GPC2: variants seen among roughly 807,000 people sequenced by gnomAD.
The protein encoded by GPC2 is glypican-2.
Under a neutral mutation model 57.3 loss-of-function variants are expected in GPC2, and 42 were observed. The ratio of observed to expected loss-of-function variants is 0.73; its 90% CI spans 0.57 to 0.95. The LOEUF (loss-of-function observed/expected upper bound fraction) is 0.95, where lower values mean the gene tolerates loss of function less well. Among genes scored for constraint, GPC2 ranks in the 40% least tolerant of loss-of-function variants. The pLI is 0.00. For missense variants in GPC2, 745 were observed against 793.6 expected (o/e 0.94, Z 0.74); for synonymous variants, 364 against 343.4 (o/e 1.06, Z -0.66).
intron 3 of GPC2, among the ~76,000 whole-genome samples, chr7:100,175,071 G>C (rs1377676813): frequency 6.6e-6 from 1 of 152,186 alleles, no homozygotes; most frequent in African/African-American, 2.4e-5. Flanking sequence ...TGTGAGCCAC[G>C]GCTCTGCCAC....
Position 100,171,223 on chromosome 7 carries a change from GT to G in GPC2, c.1486+37del, listed in dbSNP as rs1428563097. ...AGGAGAGGGGAGAGGCTTCAGGGCA[GT>G]GGGCGGGGCTCAGGCTCAGGGATGC... On this transcript the variant is annotated intron_variant, in intron 9 of 9. Transcript: ENST00000292377. The surrounding 1 kb of genome is among the most constrained non-coding windows in gnomAD (Gnocchi z 4.8). 1.0e-5 allele frequency: 15 copies of G among 1,495,286 alleles called. No homozygotes were observed. Among genetic ancestry groups the G allele is most frequent in the Non-Finnish European group, 1.2e-5 (14 of 1,120,308 alleles). The allele number at this position is 1,495,286 out of a possible 1,614,324, so 92.6% of individuals were successfully genotyped here.
chr7:100,171,471 G>A lies in GPC2; in HGVS notation c.1311-35C>T. 7.4e-7 allele frequency: 1 copy of A among 1,353,290 alleles called. No individual in the cohort carries two copies. Among genetic ancestry groups the A allele is most frequent in the African/African-American group, 1.5e-5 (1 of 65,122 alleles). The allele number at this position is 1,353,290 out of a possible 1,614,324, so 83.8% of individuals were successfully genotyped here. A position where few individuals can be genotyped will look rare whatever the true frequency, so the allele number is the denominator to read the frequency against. On this transcript the variant is annotated intron_variant, in intron 8 of 9. Transcript: ENST00000292377. The surrounding 1 kb of genome is among the most constrained non-coding windows in gnomAD (Gnocchi z 4.8). ...GAGCAGCCCCGAAGCGCCAGCTAGC[G>A]CGCGCGGCCCCGCCCCTCCCGGCCG...
rs1484028368 is a variant in GPC2 at position 100,171,262 on chromosome 7, C to A, written c.1485G>T (p.Ala495=). ...GGCTCAGGGATGCAGGGGTCTCACC[C>A]GCGTCCTGCCCGTCCAGGTCGTGTC... is the stretch of plus-strand genomic sequence containing the variant. ...ALGHDLDGQD[A]DEDASGSGGG... The change falls in exon 9 of 10, where the codon GCG becomes GCT. Residue 495 remains alanine, a splice_region_variant and synonymous_variant. Coordinates refer to ENST00000292377, the MANE Select transcript of GPC2 (RefSeq NM_152742.3). The surrounding 1 kb of genome is among the most constrained non-coding windows in gnomAD (Gnocchi z 4.8). The A allele has an allele frequency of 1.3e-6, 2 of 1,531,700 alleles. No homozygotes were observed. Among genetic ancestry groups the A allele is most frequent in the African/African-American group, 1.4e-5 (1 of 70,592 alleles). 94.9% of individuals were successfully genotyped at this position (1,531,700 alleles called of 1,614,324 possible). A position where few individuals can be genotyped will look rare whatever the true frequency, so the allele number is the denominator to read the frequency against.
rs774349176 is a variant in GPC2, at chr7:100,177,059, G to A, written c.141C>T (p.Asn47=). 6 of 1,612,046 alleles carry A rather than the reference G, an allele frequency of 3.7e-6. No individual in the cohort carries two copies. Among genetic ancestry groups the A allele is most frequent in the South Asian group, 1.1e-5 (1 of 90,728 alleles). ...QVLGARGYSL[N]LIPPALISGE... Reference sequence around the variant, plus strand: ...CTGAGATCAGGGCGGGAGGGATTAGGTTTAAGCTATATCCCCGGGCCCCCA... The same window carrying A: ...CTGAGATCAGGGCGGGAGGGATTAGATTTAAGCTATATCCCCGGGCCCCCA... The change falls in exon 1 of 10, where the codon AAC becomes AAT. Residue 47 remains asparagine, a synonymous_variant. Coordinates refer to ENST00000292377, the MANE Select transcript of GPC2 (RefSeq NM_152742.3).
rs369621356 is a variant in GPC2 at position 100,170,235 on chromosome 7, G to A, written c.1735C>T (p.Arg579Ter). The A allele has an allele frequency of 4.5e-6, 7 of 1,553,566 alleles. No individual in the cohort carries two copies. The highest frequency in any genetic ancestry group is 1.2e-5 in the South Asian group (1 of 84,044). Residue 579 changes from arginine (R) to a stop codon, truncating the protein, a stop_gained, in exon 10 of 10, where the codon CGA becomes TGA. Transcript: ENST00000292377. LOFTEE classifies it high-confidence loss of function. ...GCTAGGGCACCCCTCCCCCGTTATC[G>A]AGGTCCAAGCAGGGCCAGGGCTGAG... ...SLSALALLGP[R>*] is the part of the protein sequence containing the mutation.
chr7:100,172,998 C>T (rs1286363206), intron 5 of GPC2, among the ~76,000 whole-genome samples: 1 of 151,758 alleles, frequency 6.6e-6, no homozygotes, highest in Non-Finnish European at 1.5e-5. Context: ...CTCAGCGTCC[C>T]AAGTAGCTGG....
rs928809521 is a variant in GPC2 at position 100,171,529 on chromosome 7, C to A, written c.1310+10G>T. On this transcript the variant is annotated intron_variant, in intron 8 of 9. Coordinates refer to ENST00000292377, the MANE Select transcript of GPC2 (RefSeq NM_152742.3). The surrounding 1 kb of genome is among the most constrained non-coding windows in gnomAD (Gnocchi z 4.8). ...GCCCCCTGCTGCCCCCCGACGCCCC[C>A]GAGGCTCACCGGCCCCGCCCGGCTC... The A allele has an allele frequency of 2.8e-6, 4 of 1,415,866 alleles. No homozygotes were observed. Among genetic ancestry groups the A allele is most frequent in the Non-Finnish European group, 3.7e-6 (4 of 1,092,124 alleles). The allele number at this position is 1,415,866 out of a possible 1,614,324, so 87.7% of individuals were successfully genotyped here.
At chr7:100,170,993 C>G in intron 9 of GPC2, 1 of 364,430 alleles carries the variant, frequency 2.7e-6, no homozygotes. Flanking sequence ...CCCCCATTTT[C>G]CCACTGCCCT....
chr7:100,170,974 T>C (rs1047971423), intron 9 of GPC2: 19 of 315,536 alleles, frequency 6.0e-5, no homozygotes, highest in Non-Finnish European at 1.1e-4. Flanking sequence ...CTCCCCCAAA[T>C]TGCCCCCTCC....
Position 100,173,968 on chromosome 7 carries a change from A to C in GPC2, c.759T>G (p.Ala253=). ...KVPVSEGCSQ[A]LMRLIGCPLC... is the part of the protein sequence containing the mutation. The stretch of plus-strand genomic sequence containing the variant: ...GGGGACAGCCGATGAGACGCATCAG[A>C]GCCTGGCTGCAGCCTTCAGACACCG... The change falls in exon 5 of 10, where the codon GCT becomes GCG. Residue 253 remains alanine, a synonymous_variant. Coordinates refer to ENST00000292377, the MANE Select transcript of GPC2 (RefSeq NM_152742.3). 1 of 1,594,134 alleles carries C rather than the reference A, an allele frequency of 6.3e-7. No individual in the cohort carries two copies. Among genetic ancestry groups the C allele is most frequent in the East Asian group, 2.3e-5 (1 of 42,914 alleles).
At chr7:100,176,425 C>T (rs1381074463) in intron 1 of GPC2, 60 bp from the exon 2 acceptor site, 2 of 1,510,396 alleles carry the variant, frequency 1.3e-6, no homozygotes, top group Non-Finnish European at 1.8e-6. Flanking sequence ...CCTTCCATTT[C>T]CCGCCTATCT....
At chr7:100,175,349 C>A (rs1799248970) in intron 3 of GPC2, among the ~76,000 whole-genome samples, 1 of 152,004 alleles carries the variant, frequency 6.6e-6, no homozygotes, top group African/African-American at 2.4e-5. Context: ...TGGGAGGTGG[C>A]AGGGGTGGGG....
chr7:100,172,715 ATATACACG>A (rs1799203186), intron 5 of GPC2, among the ~76,000 whole-genome samples: 3 of 146,136 alleles, frequency 2.1e-5, no homozygotes, highest in Non-Finnish European at 3.0e-5. Context: ...ATATATGTAT[ATATACACG>A]TATATATATG....
chr7:100,171,827 G>A lies in GPC2; in HGVS notation c.1122C>T (p.Thr374=), dbSNP rs371704732. The stretch of plus-strand genomic sequence containing the variant: ...CGGCCGTCGTGGGCCGCTCCTCCTC[G>A]GTCACCATCGACCACAGCCGGCCCG... The part of the protein sequence containing the change: ...EEAGRLWSMV[T]EEERPTTAAG... Residue 374 remains threonine (T), a synonymous_variant, in exon 7 of 10, where the codon ACC becomes ACT. Coordinates refer to ENST00000292377, the MANE Select transcript of GPC2 (RefSeq NM_152742.3). This position sits in a 1 kb window ranked among gnomAD's most constrained non-coding sequence, Gnocchi z 4.8. 4,831 of 1,571,440 alleles carry A rather than the reference G, an allele frequency of 3.1e-3. 7 individuals carry two copies. Among genetic ancestry groups the A allele is most frequent in the Non-Finnish European group, 3.8e-3 (4,481 of 1,167,292 alleles).
intron 4 of GPC2, chr7:100,174,466 C>A: frequency 3.1e-6 from 2 of 646,026 alleles, no homozygotes; most frequent in South Asian, 1.7e-5. Flanking sequence ...GGGTATGGGT[C>A]CACAGAGGGG....
chr7:100,173,851 G>T lies in GPC2; in HGVS notation c.876C>A (p.Asp292Glu), dbSNP rs1188459523. The T allele has an allele frequency of 1.3e-6, 2 of 1,572,760 alleles. No homozygotes were observed. Among genetic ancestry groups the T allele is most frequent in the Non-Finnish European group, 1.7e-6 (2 of 1,160,110 alleles). Residue 292 changes from aspartate to glutamate, a missense_variant, in exon 5 of 10, where the codon GAC (aspartate) becomes GAA (glutamate). Physicochemically the swap from Asp to Glu is conservative, Grantham distance 45. This residue lies in a region of GPC2 where 607 missense variants were observed against 603.9 expected (regional missense o/e 1.01). Coordinates refer to ENST00000292377, the MANE Select transcript of GPC2 (RefSeq NM_152742.3). ...GCLSSRGLEP[D>E]WGNYLDGLLI... ...TCCCCTCACCCAGATAGTTGCCCCA[G>T]TCAGGCTCCAGTCCCCTGCTGCTGA...
At position 100,177,035 on chromosome 7, in the gene GPC2, T is replaced by C; in HGVS notation, c.165A>G (p.Ser55=). 2 of 1,190,884 alleles carry C rather than the reference T, an allele frequency of 1.7e-6. No homozygotes were observed. The highest frequency in any genetic ancestry group is 5.5e-5 in the East Asian group (1 of 18,126). 73.8% of individuals were successfully genotyped at this position (1,190,884 alleles called of 1,614,324 possible). ...TCTAGTCTTCCTCTTTCTCCTCACC[T>C]GAGATCAGGGCGGGAGGGATTAGGT... ...SLNLIPPALI[S]GEHLRVCPQE... Residue 55 remains serine, a splice_region_variant and synonymous_variant, in exon 1 of 10, where the codon TCA becomes TCG. Coordinates refer to ENST00000292377, the MANE Select transcript of GPC2 (RefSeq NM_152742.3).
chr7:100,174,833 G>A (rs1488722231), intron 3 of GPC2, 68 bp from the exon 4 acceptor site: 2 of 1,191,580 alleles, frequency 1.7e-6, no homozygotes, highest in Non-Finnish European at 2.5e-6. Context: ...CTGGAGCCAA[G>A]AGACTGCATC....
In GPC2 at chr7:100,175,745, A is replaced by G. The variant is rs1584632651; in HGVS notation, c.475T>C (p.Leu159=). 1.9e-6 allele frequency: 3 copies of G among 1,613,862 alleles called. No individual in the cohort carries two copies. Among genetic ancestry groups the G allele is most frequent in the African/African-American group, 2.7e-5 (2 of 74,924 alleles). The change falls in exon 3 of 10, where the codon TTG becomes CTG. Residue 159 remains leucine (L), a synonymous_variant. Coordinates refer to ENST00000292377, the MANE Select transcript of GPC2 (RefSeq NM_152742.3). ...CAGAAATCCGCCAGGGTGTCATCCA[A>G]CCCCTCACCAGATTCCCCATAGAAG... ...RDFYGESGEG[L]DDTLADFWAQ... is the part of the protein sequence containing the mutation.
Sources: gnomAD v4.1 joint callset for allele counts (sites outside exome capture counted in the v4.1 genomes callset) on GRCh38, gnomAD v4.1.1 for gene constraint, gnomAD v4.1.1 regional missense constraint, Gnocchi (gnomAD v3.1) non-coding constraint, MANE v1.5 for transcripts, NCBI Gene and HGNC (gene_info 2026-07-23, HGNC 2026-07-21) for gene names.